RPTOR: variants seen among roughly 807,000 people sequenced by gnomAD.
The protein encoded by RPTOR is regulatory-associated protein of mTOR.
Under a neutral mutation model 169.9 loss-of-function variants are expected in RPTOR, and 21 were observed. The observed-to-expected ratio is 0.12, with a 90% CI of 0.09 to 0.18. RPTOR has a LOEUF of 0.18. Ranked by LOEUF, RPTOR falls within the 10% of genes least tolerant of loss-of-function variation. The pLI, the probability that RPTOR is intolerant of heterozygous loss-of-function variation, is 1.00. For synonymous variants in RPTOR, 732 were observed against 753.2 expected (o/e 0.97, Z 0.46); for missense variants, 1,133 against 1,855.9 (o/e 0.61, Z 7.16).
chr17:80,643,696 AAAGAAC>A, intron 2 of RPTOR, 26 bp from the exon 3 acceptor site: 1 of 1,563,318 alleles, frequency 6.4e-7, no homozygotes, highest in Non-Finnish European at 8.8e-7. Flanking sequence ...ATGCAGACGT[AAAGAAC>A]TTTCTCTTTT....
chr17:80,674,358 A>G (rs1465175729), intron 3 of RPTOR, among the ~76,000 whole-genome samples: 1 of 152,158 alleles, frequency 6.6e-6, no homozygotes, highest in African/African-American at 2.4e-5. Context: ...AGGGAAGAAG[A>G]CCCCACTGTT....
At chr17:80,625,251 C>T (rs936668039) in intron 1 of RPTOR, among the ~76,000 whole-genome samples, 2 of 152,178 alleles carry the variant, frequency 1.3e-5, no homozygotes, top group Admixed American at 6.5e-5. Flanking sequence ...TAAATCAATA[C>T]GACAGCTTTT....
intron 7 of RPTOR, among the ~76,000 whole-genome samples, chr17:80,792,284 A>C (rs761949025): frequency 7.9e-5 from 12 of 152,190 alleles, no homozygotes; most frequent in Non-Finnish European, 1.5e-4. Context: ...CTTAATATAC[A>C]AAGTTATATC....
At chr17:80,780,293 C>A (rs975406451) in intron 6 of RPTOR, among the ~76,000 whole-genome samples, 1 of 152,028 alleles carries the variant, frequency 6.6e-6, no homozygotes, top group Non-Finnish European at 1.5e-5. Flanking sequence ...CTGGAGCCGT[C>A]GGTGGAGAAG....
chr17:80,815,347 G>A (rs2067312042), intron 7 of RPTOR, among the ~76,000 whole-genome samples: 1 of 152,248 alleles, frequency 6.6e-6, no homozygotes, highest in Non-Finnish European at 1.5e-5. Context: ...CAACTCGGAG[G>A]TGGCCAGACT....
chr17:80,904,264 C>A (rs1414627780), intron 20 of RPTOR, among the ~76,000 whole-genome samples: 1 of 152,190 alleles, frequency 6.6e-6, no homozygotes, highest in Non-Finnish European at 1.5e-5. Flanking sequence ...AAGCCCTCGG[C>A]CTGGGGCACT....
At position 80,883,983 on chromosome 17, in the gene RPTOR, C is replaced by G. The variant is rs751804213; in HGVS notation, c.1842+11C>G. 3 of 1,602,700 alleles carry G rather than the reference C, an allele frequency of 1.9e-6. No individual in the cohort carries two copies. The highest frequency in any genetic ancestry group is 2.6e-6 in the Non-Finnish European group (3 of 1,173,018). On this transcript the variant is annotated intron_variant, in intron 16 of 33. Coordinates refer to ENST00000306801, the MANE Select transcript of RPTOR (RefSeq NM_020761.3). Reference sequence around the variant, plus strand: ...GACCCCATTCCCGAGGTGAGTCAGGCGGGGGCTCAGAGTCCAGTCCTCCTG... The same window carrying G: ...GACCCCATTCCCGAGGTGAGTCAGGGGGGGGCTCAGAGTCCAGTCCTCCTG...
At chr17:80,792,880 G>A (rs1436323271) in intron 7 of RPTOR, among the ~76,000 whole-genome samples, 1 of 151,616 alleles carries the variant, frequency 6.6e-6, no homozygotes, top group African/African-American at 2.4e-5. Flanking sequence ...CGTATATATT[G>A]CCCCCGCCAC....
chr17:80,614,329 A>G (rs1442321580), intron 1 of RPTOR, among the ~76,000 whole-genome samples: 3 of 152,212 alleles, frequency 2.0e-5, no homozygotes, highest in African/African-American at 7.2e-5. Flanking sequence ...TTCCTGAAGA[A>G]TGCCATTTTT....
chr17:80,618,560 C>T (rs1411140502), intron 1 of RPTOR, among the ~76,000 whole-genome samples: 1 of 152,150 alleles, frequency 6.6e-6, no homozygotes, highest in African/African-American at 2.4e-5. Context: ...CCTCCTCATC[C>T]CTGAGGCCGA....
At chr17:80,662,177 T>C (rs1183225193) in intron 3 of RPTOR, among the ~76,000 whole-genome samples, 1 of 152,086 alleles carries the variant, frequency 6.6e-6, no homozygotes, top group Non-Finnish European at 1.5e-5. Context: ...CCCAGAAAGC[T>C]CCCTCAGCCC....
At chr17:80,573,192 A>G (rs893218595) in intron 1 of RPTOR, among the ~76,000 whole-genome samples, 2 of 152,174 alleles carry the variant, frequency 1.3e-5, no homozygotes, top group African/African-American at 4.8e-5. Flanking sequence ...GCTTTATAAA[A>G]AATGTGTGAA....
At chr17:80,731,841 TTC>T (rs2066395924) in intron 5 of RPTOR, among the ~76,000 whole-genome samples, 1 of 152,250 alleles carries the variant, frequency 6.6e-6, no homozygotes, top group Non-Finnish European at 1.5e-5. Flanking sequence ...AAATTTGAAA[TTC>T]TGTTTGGTAG....
intron 5 of RPTOR, among the ~76,000 whole-genome samples, chr17:80,753,199 C>T (rs1197253481): frequency 6.6e-6 from 1 of 152,226 alleles, no homozygotes. Context: ...TTTTCAGTCT[C>T]TTTTGATGGG....
intron 11 of RPTOR, among the ~76,000 whole-genome samples, chr17:80,848,568 C>T (rs1187209361): frequency 6.6e-6 from 1 of 152,264 alleles, no homozygotes; most frequent in African/African-American, 2.4e-5. Flanking sequence ...AGAAAGGCAG[C>T]TGGCTGTGTG....
intron 3 of RPTOR, among the ~76,000 whole-genome samples, chr17:80,700,776 AGATGATGATGG>A (rs2066091962): frequency 6.7e-4 from 1 of 1,494 alleles, no homozygotes; most frequent in Non-Finnish European, 1.2e-3. Flanking sequence ...GTGATGGTAG[AGATGATGATGG>A]TGGTGGTGGT....
intron 33 of RPTOR, 25 bp downstream of exon 33, chr17:80,963,082 C>A: frequency 6.4e-5 from 2 of 31,018 alleles, no homozygotes; most frequent in Non-Finnish European, 1.1e-4. Context: ...GGGTGGGGGT[C>A]GGGGGTCGGG....
At chr17:80,900,234 C>G (rs1184133128) in intron 20 of RPTOR, among the ~76,000 whole-genome samples, 1 of 152,144 alleles carries the variant, frequency 6.6e-6, no homozygotes, top group Non-Finnish European at 1.5e-5. Context: ...CTCGCAGCCA[C>G]CTGAGCCAGC....
chr17:80,940,782 A>T (rs2069015812), intron 25 of RPTOR, among the ~76,000 whole-genome samples, 181 bp downstream of exon 25: 1 of 151,004 alleles, frequency 6.6e-6, no homozygotes, highest in African/African-American at 2.4e-5. Flanking sequence ...GCTGGTGGAG[A>T]TGAAGCTGCT....
Sources: gnomAD v4.1 joint callset for allele counts (sites outside exome capture counted in the v4.1 genomes callset) on GRCh38, gnomAD v4.1.1 for gene constraint, MANE v1.5 for transcripts, NCBI Gene and HGNC (gene_info 2026-07-23, HGNC 2026-07-21) for gene names.